Variants in FRAS1 observed in about 807,000 individuals in gnomAD.
FRAS1 encodes Fraser extracellular matrix complex subunit 1, also known as extracellular matrix organizing protein FRAS1.
In FRAS1, 290 loss-of-function variants were observed where a neutral mutation model predicts 435.2. The observed-to-expected ratio is 0.67, with a 90% CI of 0.61 to 0.73. The LOEUF is 0.73. Ranked by LOEUF, FRAS1 falls within the 30% of genes least tolerant of loss-of-function variation. FRAS1 has a pLI of 0.00. For missense variants in FRAS1, 4,860 were observed against 5,001.5 expected, an observed-to-expected ratio of 0.97 and a Z score of 0.85; for synonymous variants, 1,800 against 1,851.0, an observed-to-expected ratio of 0.97 and a Z score of 0.71.
chr4:78,174,220 G>T (rs376259894), intron 2 of FRAS1, among the ~76,000 whole-genome samples: 46 of 152,250 alleles, frequency 3.0e-4, no homozygotes, highest in African/African-American at 1.1e-3. Context: ...AAATGTGTTG[G>T]CTCATGTTCT....
At chr4:78,488,350 G>A (rs1720238053) in intron 58 of FRAS1, among the ~76,000 whole-genome samples, 1 of 152,220 alleles carries the variant, frequency 6.6e-6, no homozygotes, top group African/African-American at 2.4e-5. Flanking sequence ...ACAGAAGACT[G>A]GAACTTTTTA....
At chr4:78,063,021 C>T (rs1477991490) in intron 1 of FRAS1, among the ~76,000 whole-genome samples, 4 of 152,186 alleles carry the variant, frequency 2.6e-5, no homozygotes, top group African/African-American at 9.7e-5. Flanking sequence ...TCTAGATCAG[C>T]ACTCTCTCAC....
At chr4:78,182,363 G>A (rs1443930950) in intron 2 of FRAS1, among the ~76,000 whole-genome samples, 1 of 152,178 alleles carries the variant, frequency 6.6e-6, no homozygotes, top group Non-Finnish European at 1.5e-5. Flanking sequence ...GCCAGATAAG[G>A]AAGGGTTCCT....
intron 31 of FRAS1, among the ~76,000 whole-genome samples, chr4:78,411,780 C>T (rs564986358): frequency 2.6e-5 from 4 of 152,230 alleles, no homozygotes; most frequent in South Asian, 4.2e-4. Flanking sequence ...ATTCCGCCAC[C>T]GCACCCCTCC....
chr4:78,307,727 A>G (rs7441599), intron 14 of FRAS1, among the ~76,000 whole-genome samples: 86,147 of 152,104 alleles, frequency 0.57, 26,138 homozygotes, highest in Non-Finnish European at 0.69. Context: ...CGCATGGTGC[A>G]TGCACCCACT....
intron 2 of FRAS1, among the ~76,000 whole-genome samples, chr4:78,075,118 A>T (rs936764121): frequency 2.0e-5 from 3 of 152,198 alleles, no homozygotes; most frequent in Admixed American, 2.0e-4. Context: ...AAATCATGCC[A>T]CCATCCTGGG....
Position 78,537,076 on chromosome 4 carries a change from A to G in FRAS1, c.11174A>G (p.Tyr3725Cys), listed in dbSNP as rs755602042. Residue 3725 changes from tyrosine to cysteine, a missense_variant, in exon 72 of 74, where the codon TAT becomes TGT. Coordinates refer to ENST00000512123, the MANE Select transcript of FRAS1 (RefSeq NM_025074.7). ...SAYKLQLEKV[Y>C]LCTGKDGYVP... ...TACAAACTCCAGCTGGAGAAAGTCT[A>G]TCTTTGTACGGGCAAGGATGGTTAT... 3 of 1,614,012 alleles carry G rather than the reference A, an allele frequency of 1.9e-6. No homozygotes were observed. Among genetic ancestry groups the G allele is most frequent in the Non-Finnish European group, 2.5e-6 (3 of 1,179,852 alleles).
intron 2 of FRAS1, among the ~76,000 whole-genome samples, chr4:78,174,575 T>C (rs1009623056): frequency 1.8e-4 from 27 of 152,354 alleles, no homozygotes; most frequent in African/African-American, 6.3e-4. Flanking sequence ...GTGCACTCAC[T>C]CAGCTCTCTC....
At chr4:78,532,206 G>A (rs1312145774) in intron 70 of FRAS1, among the ~76,000 whole-genome samples, 1 of 152,098 alleles carries the variant, frequency 6.6e-6, no homozygotes, top group Non-Finnish European at 1.5e-5. Context: ...AGCCACCCTG[G>A]CTGACTGGTC....
At chr4:78,412,877 A>G in intron 31 of FRAS1, 92 bp from the exon 32 acceptor site, 1 of 598,304 alleles carries the variant, frequency 1.7e-6, no homozygotes, top group Non-Finnish European at 2.9e-6. Flanking sequence ...TAGAATTCAA[A>G]GACAGCTGGC....
At chr4:78,534,400 C>G (rs1264446577) in intron 70 of FRAS1, 49 bp from the exon 71 acceptor site, 16 of 1,547,624 alleles carry the variant, frequency 1.0e-5, no homozygotes, top group African/African-American at 1.4e-5. Context: ...ATGACATATG[C>G]AAAGCTGACC....
chr4:78,232,371 C>T (rs972064980), intron 2 of FRAS1, among the ~76,000 whole-genome samples: 14 of 151,900 alleles, frequency 9.2e-5, no homozygotes, highest in Admixed American at 7.2e-4. Flanking sequence ...CTGCAAGCTC[C>T]GCCTCCCGGG....
At chr4:78,408,175 TACTC>T (rs1407009997) in intron 31 of FRAS1, among the ~76,000 whole-genome samples, 3 of 152,112 alleles carry the variant, frequency 2.0e-5, no homozygotes, top group Non-Finnish European at 4.4e-5. Flanking sequence ...TTGTGAGACT[TACTC>T]ACTACCATGA....
At position 78,252,912 on chromosome 4, in the gene FRAS1, C is replaced by T. The variant is rs145778209; in HGVS notation, c.469+361C>T. 1.4e-4 allele frequency among the ~76,000 whole-genome samples: 21 copies of T among 152,186 alleles called. No individual in the cohort carries two copies. The East Asian group carries it at 2.7e-3, about 20-fold the overall frequency. On this transcript the variant is annotated intron_variant, in intron 5 of 73. Coordinates refer to ENST00000512123, the MANE Select transcript of FRAS1 (RefSeq NM_025074.7). ...GAATTACTGATGAGGGTCTGTGTCC[C>T]GCTGTGCACGTATTGTCTTGATAAA... is the stretch of plus-strand genomic sequence containing the variant.
chr4:78,268,254 C>G (rs542137931), intron 9 of FRAS1, among the ~76,000 whole-genome samples: 1 of 152,294 alleles, frequency 6.6e-6, no homozygotes, highest in East Asian at 1.9e-4. Flanking sequence ...TCTTCTCCCC[C>G]ACTTCTCAGC....
intron 18 of FRAS1, among the ~76,000 whole-genome samples, chr4:78,321,960 A>C (rs1356506233): frequency 6.6e-6 from 1 of 152,148 alleles, no homozygotes; most frequent in Non-Finnish European, 1.5e-5. Context: ...ATGCTCGTTA[A>C]CATAATATTA....
Position 78,077,824 on chromosome 4 carries a change from G to T in FRAS1, c.108+11808G>T, listed in dbSNP as rs749645884. Among the ~76,000 whole-genome samples the T allele has an allele frequency of 4.4e-4, 66 of 151,358 alleles. 1 individual carries two copies. Among genetic ancestry groups the T allele is most frequent in the Non-Finnish European group, 5.7e-4 (39 of 67,910 alleles). ...TATCATTCCAACTTTTGAGGAGGAAGAACTTTCTTTTTTGTTTTTTTCTAA... is the reference window on the plus strand; with the variant it reads ...TATCATTCCAACTTTTGAGGAGGAATAACTTTCTTTTTTGTTTTTTTCTAA... On this transcript the variant is annotated intron_variant, in intron 2 of 73. Coordinates refer to ENST00000512123, the MANE Select transcript of FRAS1 (RefSeq NM_025074.7).
intron 41 of FRAS1, among the ~76,000 whole-genome samples, chr4:78,443,544 A>G (rs1379469519): frequency 6.6e-6 from 1 of 152,244 alleles, no homozygotes; most frequent in African/African-American, 2.4e-5. Flanking sequence ...ACAAGACAGG[A>G]CCCACCTTGA....
chr4:78,513,331 A>G (rs1190240443), intron 64 of FRAS1, 61 bp from the exon 65 acceptor site: 5 of 1,519,200 alleles, frequency 3.3e-6, no homozygotes, highest in Admixed American at 3.5e-5. Context: ...AGAAAGAAGT[A>G]TGTCCTATTG....
Sources: allele counts gnomAD v4.1 joint callset (sites outside exome capture counted in the v4.1 genomes callset), GRCh38; gene constraint gnomAD v4.1.1; transcripts MANE v1.5; gene names NCBI Gene and HGNC (gene_info 2026-07-23, HGNC 2026-07-21).